METTL15: variants seen among roughly 807,000 people sequenced by gnomAD.
The protein encoded by METTL15 is methyltransferase 15, mitochondrial 12S rRNA N4-cytidine, also known as 12S rRNA N(4)-cytidine methyltransferase METTL15.
METTL15 carries 34 observed loss-of-function variants against 38.3 expected under a neutral mutation model. That is an observed-to-expected ratio of 0.89 (90% CI 0.68 to 1.18). The LOEUF (loss-of-function observed/expected upper bound fraction) is 1.18, where lower values mean the gene tolerates loss of function less well. METTL15 is among the 50% of genes most tolerant of loss of function. The probability of loss-of-function intolerance (pLI) is 0.00; values close to 1 mark genes in which losing one functional copy is unlikely to be tolerated. For missense variants in METTL15, 438 were observed against 498.4 expected, an observed-to-expected ratio of 0.88 and a Z score of 1.15; for synonymous variants, 162 against 170.9, an observed-to-expected ratio of 0.95 and a Z score of 0.41.
At chr11:28,430,208 C>T (rs1346398097) in intron 6 of METTL15, among the ~76,000 whole-genome samples, 1 of 151,608 alleles carries the variant, frequency 6.6e-6, no homozygotes, top group Non-Finnish European at 1.5e-5. Flanking sequence ...CGGCAGCCAC[C>T]CCGTCCGGGA....
Position 28,410,260 on chromosome 11 carries a change from A to T in METTL15, c.*359-14039A>T, listed in dbSNP as rs546421167. Among the ~76,000 whole-genome samples the T allele has an allele frequency of 7.2e-5, 11 of 152,308 alleles. No individual in the cohort carries two copies. In the South Asian group the frequency reaches 2.1e-3, roughly 29 times the overall value. On this transcript the variant is annotated intron_variant and NMD_transcript_variant, in intron 5 of 7. Coordinates refer to the METTL15 transcript ENST00000532947. ...GCTAGAAGTAATACCTCATACTTCT[A>T]AACACATTTTGACGAGGCCAGCATC...
At chr11:28,354,516 T>A (rs1326640012) in intron 4 of METTL15, among the ~76,000 whole-genome samples, 1 of 152,184 alleles carries the variant, frequency 6.6e-6, no homozygotes, top group Non-Finnish European at 1.5e-5. Context: ...TCTATTCTGT[T>A]ATTAGTCAGA....
At chr11:28,371,121 C>T (rs1173734502) in intron 5 of METTL15, among the ~76,000 whole-genome samples, 1 of 151,990 alleles carries the variant, frequency 6.6e-6, no homozygotes, top group Non-Finnish European at 1.5e-5. Flanking sequence ...AAAATCTTTG[C>T]TCAGACCAAT....
intron 4 of METTL15, among the ~76,000 whole-genome samples, chr11:28,269,429 A>G (rs1007612799): frequency 1.3e-5 from 2 of 152,076 alleles, no homozygotes; most frequent in African/African-American, 4.8e-5. Context: ...TTATTTTAAC[A>G]TTATACATAT....
At chr11:28,212,601 A>G (rs556941809) in intron 4 of METTL15, among the ~76,000 whole-genome samples, 2 of 152,286 alleles carry the variant, frequency 1.3e-5, no homozygotes, top group Non-Finnish European at 2.9e-5. Flanking sequence ...ACATCCTCCC[A>G]TATAGTTTAA....
intron 5 of METTL15, among the ~76,000 whole-genome samples, chr11:28,418,961 G>T (rs1449042698): frequency 6.6e-6 from 1 of 152,154 alleles, no homozygotes; most frequent in Non-Finnish European, 1.5e-5. Context: ...GTTCTGGGGG[G>T]TTCTAAATAA....
intron 3 of METTL15, among the ~76,000 whole-genome samples, chr11:28,124,368 G>T (rs913573329): frequency 2.7e-4 from 41 of 152,058 alleles, no homozygotes; most frequent in Non-Finnish European, 5.1e-4. Flanking sequence ...TTTGGAGCAC[G>T]TTATGCTGTT....
At chr11:28,261,460 T>G (rs1408860696) in intron 4 of METTL15, 1 of 156,666 alleles carries the variant, frequency 6.4e-6, no homozygotes, top group Non-Finnish European at 1.5e-5. Flanking sequence ...CCAGATCAGC[T>G]GAATCAACTC....
chr11:28,142,184 A>G (rs1160576238), intron 3 of METTL15, among the ~76,000 whole-genome samples: 1 of 152,214 alleles, frequency 6.6e-6, no homozygotes, highest in Non-Finnish European at 1.5e-5. Flanking sequence ...ATTGTACAAC[A>G]CTTCATTCCA....
At chr11:28,228,993 C>T (rs771001725) in intron 4 of METTL15, among the ~76,000 whole-genome samples, 1 of 151,732 alleles carries the variant, frequency 6.6e-6, no homozygotes, top group Non-Finnish European at 1.5e-5. Flanking sequence ...AGTTCTGCCT[C>T]TTTCTAGCTA....
rs1295890735 is a variant in METTL15 at position 28,310,963 on chromosome 11, TG to T, written c.778+14035del. Among the ~76,000 whole-genome samples the T allele has an allele frequency of 1.2e-3, 123 of 106,324 alleles. 1 individual carries two copies. Among genetic ancestry groups the T allele is most frequent in the African/African-American group, 3.6e-3 (85 of 23,616 alleles). 69.8% of individuals were successfully genotyped at this position (106,324 alleles called of 152,430 possible). A position where few individuals can be genotyped will look rare whatever the true frequency, so the allele number is the denominator to read the frequency against. On this transcript the variant is annotated intron_variant, in intron 6 of 6. Transcript: ENST00000407364. ...GTGGTGGTGGTGGTGGTGGTGGTGG[TG>T]GGTGTGTGTGTGTGTGTGTGTGTGT...
intron 6 of METTL15, among the ~76,000 whole-genome samples, chr11:28,459,240 A>ACATGT (rs1851195532): frequency 6.6e-6 from 1 of 152,158 alleles, no homozygotes; most frequent in South Asian, 2.1e-4. Context: ...ATATGTAACT[A>ACATGT]CATGTTGTGT....
At chr11:28,130,468 A>G (rs1426721651) in intron 3 of METTL15, among the ~76,000 whole-genome samples, 1 of 152,176 alleles carries the variant, frequency 6.6e-6, no homozygotes, top group Non-Finnish European at 1.5e-5. Context: ...TAAGTGTTAT[A>G]AGAAAGGCAT....
chr11:28,364,012 G>T (rs1386773771), intron 5 of METTL15, among the ~76,000 whole-genome samples: 1 of 151,926 alleles, frequency 6.6e-6, no homozygotes, highest in Non-Finnish European at 1.5e-5. Context: ...TTTACTTCTG[G>T]GTTCTCTATT....
At chr11:28,144,686 T>C (rs1003080293) in intron 3 of METTL15, among the ~76,000 whole-genome samples, 4 of 152,138 alleles carry the variant, frequency 2.6e-5, no homozygotes, top group Non-Finnish European at 5.9e-5. Flanking sequence ...TGTTTCTCTC[T>C]TGTAGTGGTT....
chr11:28,199,626 G>C (rs942456266), intron 3 of METTL15, among the ~76,000 whole-genome samples: 1 of 151,964 alleles, frequency 6.6e-6, no homozygotes, highest in African/African-American at 2.4e-5. Flanking sequence ...GCTTATTTCT[G>C]TGCCTATCTC....
downstream of METTL15, among the ~76,000 whole-genome samples, chr11:28,334,433 C>A (rs1198934919): frequency 6.6e-6 from 1 of 151,892 alleles, no homozygotes; most frequent in Non-Finnish European, 1.5e-5. Context: ...GCTTCAGTAT[C>A]CTAATTGATA....
At chr11:28,377,347 C>T (rs1339308686) in intron 5 of METTL15, among the ~76,000 whole-genome samples, 1 of 152,136 alleles carries the variant, frequency 6.6e-6, no homozygotes, top group Non-Finnish European at 1.5e-5. Flanking sequence ...TTCTTGGAGG[C>T]TTTGCCGTTT....
intron 6 of METTL15, among the ~76,000 whole-genome samples, chr11:28,491,221 A>G (rs1264317218): frequency 6.6e-6 from 1 of 152,154 alleles, no homozygotes; most frequent in Non-Finnish European, 1.5e-5. Context: ...GGAGTTGCAT[A>G]AGAGTACAAA....
Sources: allele counts gnomAD v4.1 joint callset (sites outside exome capture counted in the v4.1 genomes callset), GRCh38; gene constraint gnomAD v4.1.1; transcripts MANE v1.5; gene names NCBI Gene and HGNC (gene_info 2026-07-23, HGNC 2026-07-21).